The following FAT3 variants were observed in gnomAD, a reference collection of about 807,000 sequenced individuals.
The protein encoded by FAT3 is protocadherin Fat 3.
FAT3 carries 95 observed loss-of-function variants against 310.2 expected under a neutral mutation model. That is an observed-to-expected ratio of 0.31 (90% CI 0.26 to 0.36). The LOEUF is 0.36. Ranked by LOEUF, FAT3 falls within the 10% of genes least tolerant of loss-of-function variation. The probability of loss-of-function intolerance (pLI) is 1.00; values close to 1 mark genes in which losing one functional copy is unlikely to be tolerated. For missense variants in FAT3, 5,408 were observed against 5,715.6 expected, an observed-to-expected ratio of 0.95 and a Z score of 1.74; for synonymous variants, 2,314 against 2,192.9, an observed-to-expected ratio of 1.06 and a Z score of -1.54.
chr11:92,844,317 C>T lies in FAT3; in HGVS notation c.10950C>T (p.Thr3650=). ...LVHEMLQNTV[T]IRFENVSPED... ...ATGAGATGCTGCAGAACACTGTCAC[C>T]ATCCGCTTTGAAAATGTGTCCCCTG... Residue 3650 remains threonine (T), a synonymous_variant, in exon 19 of 28, where the codon ACC becomes ACT. Transcript: ENST00000525166. 6.2e-7 allele frequency: 1 copy of T among 1,613,944 alleles called. No homozygotes were observed. Among genetic ancestry groups the T allele is most frequent in the Non-Finnish European group, 8.5e-7 (1 of 1,179,900 alleles).
chr11:92,385,749 T>G (rs1208483469), intron 2 of FAT3, among the ~76,000 whole-genome samples: 1 of 152,216 alleles, frequency 6.6e-6, no homozygotes, highest in Non-Finnish European at 1.5e-5. Flanking sequence ...TAGCAACTAT[T>G]TTCATTGCAT....
At position 92,412,702 on chromosome 11, in the gene FAT3, GATATATATATATATATATATATAT is replaced by G. The variant is rs758587642; in HGVS notation, c.3292+57318_3292+57341del. On this transcript the variant is annotated intron_variant, in intron 2 of 27. Coordinates refer to ENST00000525166, the MANE Select transcript of FAT3 (RefSeq NM_001367949.2). ...GTAAAAGTCCAACTATGATGGTGGT[GATATATATATATATATATATATAT>G]ATATATATATATATATATAAATATA... Among the ~76,000 whole-genome samples the G allele has an allele frequency of 3.0e-4, 4 of 13,470 alleles. 1 individual carries two copies. Among genetic ancestry groups the G allele is most frequent in the Admixed American group, 1.6e-3 (1 of 630 alleles). The allele number at this position is 13,470 out of a possible 152,430, so 8.8% of individuals were successfully genotyped here.
intron 7 of FAT3, among the ~76,000 whole-genome samples, chr11:92,780,993 A>G (rs1946733476): frequency 6.6e-6 from 1 of 152,128 alleles, no homozygotes; most frequent in Non-Finnish European, 1.5e-5. Context: ...TTAATGGATG[A>G]AAATACATAG....
At chr11:92,512,842 G>GAGTGAGTGGAATGA (rs1565373870) in intron 2 of FAT3, among the ~76,000 whole-genome samples, 1 of 93,992 alleles carries the variant, frequency 1.1e-5, no homozygotes, top group African/African-American at 4.6e-5. Context: ...AAGATTATCG[G>GAGTGAGTGGAATGA]CCGGGCGCGG....
chr11:92,305,515 C>G (rs1459638483), intron 1 of FAT3, among the ~76,000 whole-genome samples: 1 of 152,014 alleles, frequency 6.6e-6, no homozygotes, highest in Non-Finnish European at 1.5e-5. Context: ...AATTTATAAG[C>G]TAAAAGGAGA....
rs118014964 is a variant in FAT3, at chr11:92,237,582, T to C, written c.-18+12408T>C. On this transcript the variant is annotated intron_variant, in intron 1 of 27. Transcript: ENST00000525166. ...GAGTTACCTGGAATTCCAGCATGTT[T>C]TAATGTTGCTGCCCTCCTTCTTCCA... Among the ~76,000 whole-genome samples the C allele has an allele frequency of 7.7e-3, 1,165 of 152,252 alleles. 14 individuals carry two copies. Among genetic ancestry groups the C allele is most frequent in the African/African-American group, 0.025 (1,025 of 41,534 alleles).
intron 2 of FAT3, among the ~76,000 whole-genome samples, chr11:92,495,653 G>C (rs1952732321): frequency 6.6e-6 from 1 of 151,996 alleles, no homozygotes; most frequent in Admixed American, 6.6e-5. Context: ...CCTGTCTTCA[G>C]TCATAGCTGG....
intron 2 of FAT3, among the ~76,000 whole-genome samples, chr11:92,412,736 T>TATACATACAC (rs1555038593): frequency 6.7e-5 from 1 of 14,962 alleles, no homozygotes; most frequent in African/African-American, 1.4e-4. Flanking sequence ...TATATATATA[T>TATACATACAC]ATATATATAA....
At chr11:92,337,652 G>A (rs1256283793) in intron 1 of FAT3, among the ~76,000 whole-genome samples, 1 of 152,178 alleles carries the variant, frequency 6.6e-6, no homozygotes, top group Non-Finnish European at 1.5e-5. Flanking sequence ...GGCTGGTCTC[G>A]AACTCCTGAC....
At chr11:92,660,959 C>G (rs1942760687) in intron 3 of FAT3, among the ~76,000 whole-genome samples, 1 of 152,232 alleles carries the variant, frequency 6.6e-6, no homozygotes, top group Non-Finnish European at 1.5e-5. Flanking sequence ...AGAGTTGTAT[C>G]AGCAGACCTA....
intron 3 of FAT3, among the ~76,000 whole-genome samples, 167 bp from the exon 4 acceptor site, chr11:92,697,217 A>G (rs1297694468): frequency 6.6e-6 from 1 of 152,210 alleles, no homozygotes; most frequent in Non-Finnish European, 1.5e-5. Flanking sequence ...TGTAAATTTT[A>G]CTTTCTTTTA....
chr11:92,493,521 A>C (rs545011505), intron 2 of FAT3, among the ~76,000 whole-genome samples: 2 of 152,194 alleles, frequency 1.3e-5, no homozygotes, highest in African/African-American at 4.8e-5. Context: ...CACTTCACTC[A>C]TGCTGACTGG....
chr11:92,834,715 C>T (rs184449150), intron 14 of FAT3, among the ~76,000 whole-genome samples, 155 bp from the exon 15 acceptor site: 2 of 152,188 alleles, frequency 1.3e-5, no homozygotes, highest in Non-Finnish European at 2.9e-5. Flanking sequence ...ATTAATCAGA[C>T]GTCTGTAATA....
At chr11:92,586,803 TATC>T in intron 3 of FAT3, among the ~76,000 whole-genome samples, 1 of 152,128 alleles carries the variant, frequency 6.6e-6, no homozygotes, top group East Asian at 1.9e-4. Context: ...TGCATTGAAA[TATC>T]ATGCTTTTAA....
chr11:92,569,097 C>T (rs975136938), intron 3 of FAT3, among the ~76,000 whole-genome samples: 1 of 152,148 alleles, frequency 6.6e-6, no homozygotes, highest in African/African-American at 2.4e-5. Context: ...TTTCCAAGCC[C>T]TCTGTTTGCA....
intron 4 of FAT3, among the ~76,000 whole-genome samples, chr11:92,697,768 C>T (rs766313260): frequency 5.9e-5 from 9 of 152,094 alleles, no homozygotes; most frequent in Non-Finnish European, 1.3e-4. Flanking sequence ...CCACGGGGGC[C>T]ACAGACGTAA....
In FAT3 at chr11:92,805,254, C is replaced by A. The variant is rs2136199486; in HGVS notation, c.8998C>A (p.Leu3000Ile). 1 of 1,613,852 alleles carries A rather than the reference C, an allele frequency of 6.2e-7. No homozygotes were observed. The highest frequency in any genetic ancestry group is 8.5e-7 in the Non-Finnish European group (1 of 1,179,836). ...LDREEQDIYFLNITATDGLFV... is the reference protein window; with the variant it reads ...LDREEQDIYFINITATDGLFV... ...CAGAGAAGAACAGGACATTTACTTTCTCAATATCACTGCCACTGATGGGCT... is the reference window on the plus strand; with the variant it reads ...CAGAGAAGAACAGGACATTTACTTTATCAATATCACTGCCACTGATGGGCT... The change falls in exon 11 of 28, where the codon CTC becomes ATC. Residue 3000 changes from leucine to isoleucine, a missense_variant. This residue lies in a region of FAT3 where 4,588 missense variants were observed against 4,809.8 expected (regional missense o/e 0.95). Transcript: ENST00000525166.
rs570714207 is a variant in FAT3 at position 92,621,480 on chromosome 11, T to A, written c.3608-75904T>A. Among the ~76,000 whole-genome samples, 51 of 152,292 alleles carry A rather than the reference T, an allele frequency of 3.3e-4. No homozygotes were observed. In the South Asian group the frequency reaches 3.9e-3, roughly 12 times the overall value. On this transcript the variant is annotated intron_variant, in intron 3 of 27. Transcript: ENST00000525166. ...GTTAAAGCTTATTCAACTAGATCAA[T>A]TTTTTGGAGGAGTTGGAGAAAATCA...
chr11:92,412,716 T>C (rs61011345), intron 2 of FAT3, among the ~76,000 whole-genome samples: 5 of 23,082 alleles, frequency 2.2e-4, no homozygotes, highest in East Asian at 9.0e-4. Flanking sequence ...TATATATATA[T>C]ATATATATAT....
Sources: gnomAD v4.1 joint callset for allele counts (sites outside exome capture counted in the v4.1 genomes callset) on GRCh38, gnomAD v4.1.1 for gene constraint, gnomAD v4.1.1 regional missense constraint, MANE v1.5 for transcripts, NCBI Gene and HGNC (gene_info 2026-07-23, HGNC 2026-07-21) for gene names.